NAALADL2: variants seen among roughly 807,000 people sequenced by gnomAD.
NAALADL2 encodes the protein inactive N-acetylated-alpha-linked acidic dipeptidase-like protein 2.
Under a neutral mutation model 87.2 loss-of-function variants are expected in NAALADL2, and 76 were observed. The ratio of observed to expected loss-of-function variants is 0.87; its 90% CI spans 0.72 to 1.05. The LOEUF is 1.05. NAALADL2 is among the 50% of genes least tolerant of loss of function. NAALADL2 has a pLI of 0.00. For missense variants in NAALADL2, 1,089 were observed against 945.8 expected (o/e 1.15, Z -1.99); for synonymous variants, 354 against 331.0 (o/e 1.07, Z -0.75).
intron 1 of NAALADL2, among the ~76,000 whole-genome samples, chr3:174,505,815 C>T (rs1004930613): frequency 8.6e-5 from 13 of 152,008 alleles, no homozygotes; most frequent in Non-Finnish European, 1.9e-4. Flanking sequence ...TTTCTCTTGC[C>T]CAATTTGAAA....
intron 1 of NAALADL2, among the ~76,000 whole-genome samples, chr3:174,983,685 C>A (rs577679114): frequency 5.1e-4 from 78 of 152,222 alleles, no homozygotes; most frequent in African/African-American, 1.9e-3. Context: ...TGATTCTGCC[C>A]TCATGATATA....
At chr3:175,153,202 G>A (rs1475897067) in intron 2 of NAALADL2, among the ~76,000 whole-genome samples, 1 of 152,140 alleles carries the variant, frequency 6.6e-6, no homozygotes, top group African/African-American at 2.4e-5. Flanking sequence ...AGGTTTACAT[G>A]TTTCAAATGG....
chr3:174,961,382 C>T (rs1369977009), intron 1 of NAALADL2, among the ~76,000 whole-genome samples: 1 of 151,612 alleles, frequency 6.6e-6, no homozygotes, highest in Admixed American at 6.6e-5. Context: ...TATAATATTG[C>T]TAAAAAAATC....
chr3:175,023,426 T>C (rs563596002), intron 1 of NAALADL2, among the ~76,000 whole-genome samples: 3 of 152,208 alleles, frequency 2.0e-5, no homozygotes, highest in South Asian at 4.1e-4. Context: ...GTGTCTGTCA[T>C]AAAGTTTATA....
intron 1 of NAALADL2, among the ~76,000 whole-genome samples, chr3:175,042,926 G>A (rs1211111313): frequency 1.3e-5 from 2 of 151,976 alleles, no homozygotes; most frequent in African/African-American, 4.8e-5. Context: ...TCAGACCCAT[G>A]AGAGTTGATT....
rs147207996 is a variant in NAALADL2 at position 174,811,437 on chromosome 3, G to A, written c.-9+73691G>A. Reference sequence around the variant, plus strand: ...CCTGGATGTGAGACATAGAGTCAAAGGGGATTGTTTTGGAACTTTAAGACT... The same window carrying A: ...CCTGGATGTGAGACATAGAGTCAAAAGGGATTGTTTTGGAACTTTAAGACT... On this transcript the variant is annotated intron_variant, in intron 3 of 3. Transcript: ENST00000434257. Among the ~76,000 whole-genome samples, 592 of 152,276 alleles carry A rather than the reference G, an allele frequency of 3.9e-3. 2 individuals are homozygous for A. Among genetic ancestry groups the A allele is most frequent in the African/African-American group, 0.013 (541 of 41,562 alleles).
intron 3 of NAALADL2, among the ~76,000 whole-genome samples, chr3:174,757,289 C>T (rs1476321819): frequency 6.6e-6 from 1 of 152,074 alleles, no homozygotes; most frequent in Non-Finnish European, 1.5e-5. Flanking sequence ...AGCAGTGAGA[C>T]TAAGTACATG....
intron 10 of NAALADL2, among the ~76,000 whole-genome samples, chr3:175,623,945 G>GA (rs11457454): frequency 0.74 from 109,068 of 148,212 alleles, 40,649 homozygotes; most frequent in East Asian, 0.87. Context: ...AGGTGTAAAT[G>GA]AAAAAAAAAA....
At chr3:175,093,605 TAA>T (rs949735208) in intron 1 of NAALADL2, among the ~76,000 whole-genome samples, 24 of 149,792 alleles carry the variant, frequency 1.6e-4, no homozygotes, top group African/African-American at 3.6e-4. Flanking sequence ...ATAAAATATA[TAA>T]GACATATATA....
intron 2 of NAALADL2, among the ~76,000 whole-genome samples, chr3:174,728,693 C>G (rs1732428413): frequency 6.6e-6 from 1 of 151,964 alleles, no homozygotes; most frequent in Non-Finnish European, 1.5e-5. Flanking sequence ...TAAAGTTTAA[C>G]TTGCTCAAAG....
intron 9 of NAALADL2, among the ~76,000 whole-genome samples, chr3:175,475,024 T>TACACAC (rs3040495): frequency 0.035 from 5,286 of 149,654 alleles, 103 homozygotes; most frequent in Non-Finnish European, 0.042. Context: ...AACATTTAAG[T>TACACAC]ACACACACAC....
At chr3:175,738,959 CTG>C (rs1157083557) in intron 12 of NAALADL2, among the ~76,000 whole-genome samples, 1 of 152,042 alleles carries the variant, frequency 6.6e-6, no homozygotes, top group African/African-American at 2.4e-5. Context: ...ATTCTGTAAA[CTG>C]TTTTGCTGTT....
intron 3 of NAALADL2, among the ~76,000 whole-genome samples, chr3:174,804,531 CCTTGT>C (rs1328998057): frequency 6.6e-6 from 1 of 152,148 alleles, no homozygotes; most frequent in Non-Finnish European, 1.5e-5. Flanking sequence ...GAGAGGGCAT[CCTTGT>C]CTTGTGCCAG....
At chr3:175,410,291 T>C (rs555336863) in intron 5 of NAALADL2, among the ~76,000 whole-genome samples, 2 of 152,274 alleles carry the variant, frequency 1.3e-5, no homozygotes, top group Admixed American at 6.5e-5. Context: ...ACTATGTACA[T>C]ACACTATTTT....
chr3:175,135,567 G>T (rs1295694453), intron 2 of NAALADL2, among the ~76,000 whole-genome samples: 1 of 151,856 alleles, frequency 6.6e-6, no homozygotes, highest in African/African-American at 2.4e-5. Flanking sequence ...AAAAATTACC[G>T]AGGAAAAAAA....
At chr3:175,046,123 T>C (rs926669608) in intron 1 of NAALADL2, among the ~76,000 whole-genome samples, 3 of 152,064 alleles carry the variant, frequency 2.0e-5, no homozygotes, top group African/African-American at 7.2e-5. Flanking sequence ...AAAAGTACAA[T>C]GTATTTTCTA....
chr3:174,615,518 T>TG (rs1331909452), intron 2 of NAALADL2, among the ~76,000 whole-genome samples: 1 of 152,202 alleles, frequency 6.6e-6, no homozygotes, highest in Non-Finnish European at 1.5e-5. Flanking sequence ...GCGTATTGCT[T>TG]GGTGTATTAA....
chr3:175,247,788 G>A (rs144056174), intron 3 of NAALADL2, among the ~76,000 whole-genome samples: 396 of 152,302 alleles, frequency 2.6e-3, no homozygotes, highest in Non-Finnish European at 4.6e-3. Flanking sequence ...TCTGAGGCCA[G>A]CCCTGGTAGA....
intron 2 of NAALADL2, among the ~76,000 whole-genome samples, chr3:174,603,955 GT>G (rs1340913386): frequency 6.6e-6 from 1 of 152,100 alleles, no homozygotes. Context: ...TTTTATGAGT[GT>G]TTTAACATTG....
Sources: allele counts gnomAD v4.1 joint callset (sites outside exome capture counted in the v4.1 genomes callset), GRCh38; gene constraint gnomAD v4.1.1; transcripts MANE v1.5; gene names NCBI Gene and HGNC (gene_info 2026-07-23, HGNC 2026-07-21).